EXT1: variants seen among roughly 807,000 people sequenced by gnomAD.
The protein encoded by EXT1 is exostosin glycosyltransferase 1.
EXT1 carries 20 observed loss-of-function variants against 82.5 expected under a neutral mutation model. That is an observed-to-expected ratio of 0.24 (90% CI 0.17 to 0.35). The LOEUF (loss-of-function observed/expected upper bound fraction) is 0.35, where lower values mean the gene tolerates loss of function less well. Ranked by LOEUF, EXT1 falls within the 10% of genes least tolerant of loss-of-function variation. The probability of loss-of-function intolerance (pLI) is 1.00; values close to 1 mark genes in which losing one functional copy is unlikely to be tolerated. For synonymous variants in EXT1, 348 were observed against 350.8 expected (o/e 0.99, Z 0.09); for missense variants, 757 against 936.5 (o/e 0.81, Z 2.50).
In EXT1 at chr8:117,804,918, A is replaced by G; in HGVS notation, c.1884-25T>C. Reference sequence around the variant, plus strand: ...TCTGTAAAAATCAAAGATGGGTTTCACAGGGGGCCATTATCACATGATGAC... The same window carrying G: ...TCTGTAAAAATCAAAGATGGGTTTCGCAGGGGGCCATTATCACATGATGAC... On this transcript the variant is annotated intron_variant, in intron 9 of 10. Coordinates refer to ENST00000378204, the MANE Select transcript of EXT1 (RefSeq NM_000127.3). The G allele has an allele frequency of 1.2e-6, 2 of 1,612,986 alleles. 1 individual carries two copies. The highest frequency in any genetic ancestry group is 2.2e-5 in the South Asian group (2 of 91,062).
At chr8:117,808,934 C>G (rs1415045103) in intron 8 of EXT1, among the ~76,000 whole-genome samples, 2 of 152,092 alleles carry the variant, frequency 1.3e-5, no homozygotes, top group East Asian at 3.9e-4. Flanking sequence ...GAATTCCTCC[C>G]CTTTTTCTTT....
chr8:118,035,754 T>C (rs1303034044), intron 1 of EXT1, among the ~76,000 whole-genome samples: 1 of 152,182 alleles, frequency 6.6e-6, no homozygotes, highest in Non-Finnish European at 1.5e-5. Flanking sequence ...ATGACCACAC[T>C]TGAAATCTAA....
intron 1 of EXT1, among the ~76,000 whole-genome samples, chr8:117,854,854 T>C (rs1461367711): frequency 2.0e-5 from 3 of 152,218 alleles, no homozygotes; most frequent in Non-Finnish European, 4.4e-5. Flanking sequence ...CCTCTGAATC[T>C]GAAGTAGATG....
At chr8:118,000,012 T>C (rs1330901796) in intron 1 of EXT1, among the ~76,000 whole-genome samples, 1 of 151,766 alleles carries the variant, frequency 6.6e-6, no homozygotes, top group East Asian at 1.9e-4. Context: ...TATACACACA[T>C]ACACACACAC....
intron 1 of EXT1, among the ~76,000 whole-genome samples, chr8:118,029,316 A>G (rs1244108260): frequency 6.6e-6 from 1 of 152,084 alleles, no homozygotes; most frequent in Non-Finnish European, 1.5e-5. Context: ...GTCCTAGCTA[A>G]TTGGGAGGCT....
chr8:117,816,290 G>C (rs1034618501), intron 7 of EXT1, among the ~76,000 whole-genome samples: 1 of 152,096 alleles, frequency 6.6e-6, no homozygotes, highest in African/African-American at 2.4e-5. Context: ...CAAATCATAA[G>C]ATTATGATGC....
chr8:117,804,595 T>C (rs1586989061), intron 10 of EXT1, 127 bp downstream of exon 10: 1 of 1,000,932 alleles, frequency 1.0e-6, no homozygotes, highest in Non-Finnish European at 1.6e-6. Flanking sequence ...CTTTCAGATG[T>C]AGTTCATTCC....
chr8:117,806,369 CTG>C (rs1056798181), intron 9 of EXT1, among the ~76,000 whole-genome samples: 4 of 152,240 alleles, frequency 2.6e-5, no homozygotes, highest in African/African-American at 9.6e-5. Flanking sequence ...GGATTTATCA[CTG>C]TGTTAAAACT....
intron 8 of EXT1, among the ~76,000 whole-genome samples, chr8:117,812,397 G>T (rs2129718385): frequency 6.6e-6 from 1 of 152,294 alleles, no homozygotes; most frequent in South Asian, 2.1e-4. Context: ...ATAGGTGAAA[G>T]AAAATGAGCT....
At chr8:117,897,599 T>TTTTTTTC (rs1205484440) in intron 1 of EXT1, among the ~76,000 whole-genome samples, 2 of 136,652 alleles carry the variant, frequency 1.5e-5, no homozygotes, top group Admixed American at 7.2e-5. Flanking sequence ...CTCTTTTTTT[T>TTTTTTTC]TTTTTTTTTT....
At chr8:117,814,528 T>C (rs931910348) in intron 7 of EXT1, among the ~76,000 whole-genome samples, 6 of 152,158 alleles carry the variant, frequency 3.9e-5, no homozygotes, top group African/African-American at 1.4e-4. Flanking sequence ...TTAAGTATCT[T>C]GCCCAAAACG....
rs1456372365 is a variant in EXT1 at position 118,110,805 on chromosome 8, G to T, written c.242C>A (p.Ser81Tyr). 1.9e-6 allele frequency: 3 copies of T among 1,613,374 alleles called. No homozygotes were observed. The highest frequency in any genetic ancestry group is 2.5e-6 in the Non-Finnish European group (3 of 1,179,568). ...LENEDSSVHI[S>Y]PRQKRDANSS... The stretch of plus-strand genomic sequence containing the variant: ...GTTGGCATCTCGCTTCTGCCGGGGG[G>T]AAATGTGCACGCTGGAATCCTCGTT... Residue 81 changes from serine (S) to tyrosine (Y), a missense_variant, in exon 1 of 11, where the codon TCC becomes TAC. This residue lies in a region of EXT1 where 175 missense variants were observed against 159.0 expected (regional missense o/e 1.10). Coordinates refer to ENST00000378204, the MANE Select transcript of EXT1 (RefSeq NM_000127.3).
chr8:117,897,520 G>A (rs887992011), intron 1 of EXT1, among the ~76,000 whole-genome samples: 3 of 151,156 alleles, frequency 2.0e-5, no homozygotes, highest in Non-Finnish European at 4.4e-5. Context: ...TCTAAAGCAG[G>A]CCTTGTTTTC....
chr8:117,977,088 A>G (rs569248866), intron 1 of EXT1, among the ~76,000 whole-genome samples: 14 of 152,246 alleles, frequency 9.2e-5, no homozygotes, highest in Admixed American at 8.5e-4. Context: ...TTTTTTTAAA[A>G]AGATGACCAT....
intron 1 of EXT1, among the ~76,000 whole-genome samples, chr8:117,868,618 T>A (rs1198812533): frequency 6.6e-6 from 1 of 151,914 alleles, no homozygotes; most frequent in African/African-American, 2.4e-5. Context: ...GCCTGGCTAC[T>A]TTTTTATTTT....
chr8:117,810,864 G>A (rs537367168), intron 8 of EXT1, among the ~76,000 whole-genome samples: 1 of 152,184 alleles, frequency 6.6e-6, no homozygotes, highest in African/African-American at 2.4e-5. Flanking sequence ...GATAGAGAGA[G>A]AGGTCAGTGT....
chr8:117,807,080 A>G (rs138524686), intron 9 of EXT1, 137 bp downstream of exon 9: 13 of 1,002,294 alleles, frequency 1.3e-5, no homozygotes, highest in African/African-American at 9.5e-5. Flanking sequence ...CATTTGACAC[A>G]TCAGCAAAAC....
At position 117,935,302 on chromosome 8, in the gene EXT1, C is replaced by T. The variant is rs1814137454; in HGVS notation, c.963-98101G>A. Among the ~76,000 whole-genome samples the T allele has an allele frequency of 2.7e-5, 4 of 149,992 alleles. No individual in the cohort carries two copies. The South Asian group carries it at 6.4e-4, about 24-fold the overall frequency. ...CTTCCCAAACCCAAATCCAGAAAAT[C>T]CTGGTTAGTTATCTATCACTTTTTT... On this transcript the variant is annotated intron_variant, in intron 1 of 10. Coordinates refer to ENST00000378204, the MANE Select transcript of EXT1 (RefSeq NM_000127.3).
chr8:117,919,982 G>A (rs1445610333), intron 1 of EXT1, among the ~76,000 whole-genome samples: 1 of 152,170 alleles, frequency 6.6e-6, no homozygotes, highest in African/African-American at 2.4e-5. Context: ...GGTTTAACTG[G>A]AAGCAAGAGC....
Sources: gnomAD v4.1 joint callset for allele counts (sites outside exome capture counted in the v4.1 genomes callset) on GRCh38, gnomAD v4.1.1 for gene constraint, gnomAD v4.1.1 regional missense constraint, MANE v1.5 for transcripts, NCBI Gene and HGNC (gene_info 2026-07-23, HGNC 2026-07-21) for gene names.